CADPS: variants seen among roughly 807,000 people sequenced by gnomAD.
CADPS encodes the protein calcium dependent secretion activator.
A neutral mutation model predicts 167.3 loss-of-function variants in CADPS; 57 were observed. The ratio of observed to expected loss-of-function variants is 0.34; its 90% CI spans 0.28 to 0.42. The LOEUF is 0.42. Among genes scored for constraint, CADPS ranks in the 20% least tolerant of loss-of-function variants. The pLI, the probability that CADPS is intolerant of heterozygous loss-of-function variation, is 1.00. For missense variants in CADPS, 1,414 were observed against 1,738.1 expected (o/e 0.81, Z 3.32); for synonymous variants, 676 against 635.3 (o/e 1.06, Z -0.96).
At chr3:62,650,782 C>A (rs866116834) in intron 5 of CADPS, 65 bp downstream of exon 5, 3 of 1,158,046 alleles carry the variant, frequency 2.6e-6, no homozygotes, top group East Asian at 2.4e-5. Context: ...CTGATTGTGA[C>A]GCATCTAATC....
At chr3:62,724,173 G>T (rs576222) in intron 3 of CADPS, among the ~76,000 whole-genome samples, 2 of 151,992 alleles carry the variant, frequency 1.3e-5, no homozygotes, top group African/African-American at 4.8e-5. Flanking sequence ...GGTCCTCACT[G>T]ACTGCCTCTG....
At chr3:62,497,532 G>A (rs1335641043) in intron 18 of CADPS, among the ~76,000 whole-genome samples, 1 of 152,170 alleles carries the variant, frequency 6.6e-6, no homozygotes, top group Admixed American at 6.5e-5. Context: ...GGATAGCGTA[G>A]GAAAAATATT....
chr3:62,408,816 G>C (rs375254331), intron 28 of CADPS, among the ~76,000 whole-genome samples: 66 of 152,254 alleles, frequency 4.3e-4, no homozygotes, highest in Non-Finnish European at 7.9e-4. Context: ...TAGAACCACT[G>C]ACTGTATTTT....
intron 1 of CADPS, among the ~76,000 whole-genome samples, chr3:62,809,434 TTTG>T (rs1227467341): frequency 6.6e-6 from 1 of 152,078 alleles, no homozygotes; most frequent in African/African-American, 2.4e-5. Context: ...AATCTCAGGG[TTTG>T]TCCTTTCTCA....
intron 1 of CADPS, among the ~76,000 whole-genome samples, chr3:62,798,166 T>C (rs956994891): frequency 5.3e-5 from 8 of 152,098 alleles, no homozygotes; most frequent in Admixed American, 4.6e-4. Context: ...CTTGATTGGA[T>C]TGCTCCTGGG....
At chr3:62,650,489 C>T (rs972906104) in intron 5 of CADPS, among the ~76,000 whole-genome samples, 1 of 152,198 alleles carries the variant, frequency 6.6e-6, no homozygotes, top group Non-Finnish European at 1.5e-5. Flanking sequence ...AGAAAATTTA[C>T]AGCTCACCAC....
chr3:62,636,468 C>G (rs1288502071), intron 6 of CADPS, among the ~76,000 whole-genome samples: 1 of 152,172 alleles, frequency 6.6e-6, no homozygotes, highest in Non-Finnish European at 1.5e-5. Context: ...TACCAAGGAA[C>G]CCAGGTGACT....
intron 23 of CADPS, among the ~76,000 whole-genome samples, chr3:62,477,096 T>C (rs971726813): frequency 3.9e-5 from 6 of 152,198 alleles, no homozygotes; most frequent in African/African-American, 1.4e-4. Flanking sequence ...TCTCAATTCC[T>C]GCTGAGATGC....
At chr3:62,835,517 A>C (rs1240634941) in intron 1 of CADPS, among the ~76,000 whole-genome samples, 1 of 152,192 alleles carries the variant, frequency 6.6e-6, no homozygotes, top group African/African-American at 2.4e-5. Context: ...TTATGAGAAA[A>C]CATGGGGCCT....
chr3:62,453,444 G>A (rs2058316555), intron 26 of CADPS, among the ~76,000 whole-genome samples: 1 of 152,204 alleles, frequency 6.6e-6, no homozygotes, highest in East Asian at 1.9e-4. Context: ...TTCTCAAGGT[G>A]TTTGGTTGAT....
intron 26 of CADPS, among the ~76,000 whole-genome samples, chr3:62,460,348 A>T (rs2059186363): frequency 6.6e-6 from 1 of 152,194 alleles, no homozygotes; most frequent in South Asian, 2.1e-4. Context: ...TTGACTTAAA[A>T]ATTACATGTA....
intron 1 of CADPS, among the ~76,000 whole-genome samples, chr3:62,872,791 T>C (rs936244823): frequency 2.6e-5 from 4 of 152,220 alleles, no homozygotes; most frequent in Non-Finnish European, 5.9e-5. Flanking sequence ...GAGACTTTGA[T>C]AAATGTCTCT....
intron 11 of CADPS, among the ~76,000 whole-genome samples, chr3:62,547,593 C>G (rs575710208): frequency 0.018 from 1,967 of 108,266 alleles, 269 homozygotes; most frequent in African/African-American, 0.069. Context: ...TACGCCCCCC[C>G]CCCCCCGCAA....
chr3:62,685,114 T>C (rs1265088149), intron 3 of CADPS, among the ~76,000 whole-genome samples: 1 of 152,084 alleles, frequency 6.6e-6, no homozygotes, highest in African/African-American at 2.4e-5. Flanking sequence ...TGATAACTTT[T>C]GTAATTCACA....
intron 8 of CADPS, among the ~76,000 whole-genome samples, chr3:62,578,596 C>T (rs367583065): frequency 8.3e-5 from 9 of 108,004 alleles, no homozygotes; most frequent in Non-Finnish European, 1.4e-4. Flanking sequence ...GGTGACAGAG[C>T]AAGACTCCGT....
chr3:62,713,095 C>G (rs1254658881), intron 3 of CADPS, among the ~76,000 whole-genome samples: 1 of 152,214 alleles, frequency 6.6e-6, no homozygotes, highest in Admixed American at 6.5e-5. Flanking sequence ...ATAATACTGA[C>G]TACAATTTGC....
chr3:62,762,997 A>T (rs745823024), intron 2 of CADPS, among the ~76,000 whole-genome samples: 1 of 151,902 alleles, frequency 6.6e-6, no homozygotes, highest in African/African-American at 2.4e-5. Flanking sequence ...TGGAAGGAGG[A>T]TATCTGTTGG....
intron 1 of CADPS, among the ~76,000 whole-genome samples, chr3:62,823,990 T>C (rs1423436017): frequency 6.6e-6 from 1 of 152,032 alleles, no homozygotes; most frequent in Non-Finnish European, 1.5e-5. Context: ...TTCTCCTCTT[T>C]GCAGGCATTA....
intron 1 of CADPS, among the ~76,000 whole-genome samples, chr3:62,795,701 T>C (rs1168457311): frequency 6.6e-6 from 1 of 152,194 alleles, no homozygotes; most frequent in African/African-American, 2.4e-5. Context: ...TGAAGAACTT[T>C]GAGTCTCTTG....
Sources: allele counts gnomAD v4.1 joint callset (sites outside exome capture counted in the v4.1 genomes callset), GRCh38; gene constraint gnomAD v4.1.1; transcripts MANE v1.5; gene names NCBI Gene and HGNC (gene_info 2026-07-23, HGNC 2026-07-21).